PIK3CA: variants seen among roughly 807,000 people sequenced by gnomAD.
PIK3CA encodes the protein phosphatidylinositol 4,5-bisphosphate 3-kinase catalytic subunit alpha isoform.
Under a neutral mutation model 138.2 loss-of-function variants are expected in PIK3CA, and 27 were observed. That is an observed-to-expected ratio of 0.20 (90% CI 0.14 to 0.27). The LOEUF is 0.27. PIK3CA is among the 10% of genes least tolerant of loss of function. PIK3CA has a pLI of 1.00. For missense variants in PIK3CA, 544 were observed against 1,277.4 expected (o/e 0.43, Z 8.75); for synonymous variants, 358 against 413.2 (o/e 0.87, Z 1.62).
At chr3:179,206,901 A>G (rs1428792630) in intron 6 of PIK3CA, among the ~76,000 whole-genome samples, 2 of 151,100 alleles carry the variant, frequency 1.3e-5, no homozygotes, top group Non-Finnish European at 3.0e-5. Flanking sequence ...TCTAGGGGGC[A>G]GAGTGAGACC....
intron 5 of PIK3CA, 100 bp downstream of exon 5, chr3:179,203,889 G>T: frequency 1.2e-6 from 1 of 812,708 alleles, no homozygotes; most frequent in Non-Finnish European, 1.9e-6. Context: ...TATGTTTTCA[G>T]ATGGTTAGGA....
intron 1 of PIK3CA, among the ~76,000 whole-genome samples, chr3:179,188,301 C>T (rs1724043148): frequency 6.6e-6 from 1 of 152,152 alleles, no homozygotes; most frequent in South Asian, 2.1e-4. Flanking sequence ...GTTTGATTAG[C>T]TTTTGTCCTT....
chr3:179,194,113 T>C (rs1724203727), intron 1 of PIK3CA, among the ~76,000 whole-genome samples: 1 of 152,240 alleles, frequency 6.6e-6, no homozygotes, highest in Non-Finnish European at 1.5e-5. Flanking sequence ...TAATGTTCAT[T>C]TGATTATAAC....
At chr3:179,173,676 G>A (rs1422650853) in intron 1 of PIK3CA, among the ~76,000 whole-genome samples, 5 of 152,172 alleles carry the variant, frequency 3.3e-5, no homozygotes, top group Admixed American at 2.0e-4. Context: ...TACCTACGTG[G>A]TGTATTGACA....
chr3:179,194,986 G>C (rs1207606448), intron 1 of PIK3CA, among the ~76,000 whole-genome samples: 3 of 144,122 alleles, frequency 2.1e-5, no homozygotes, highest in Non-Finnish European at 3.0e-5. Flanking sequence ...ACTTAGCCTA[G>C]AGCCTGACAT....
At chr3:179,226,413 G>A (rs1453197775) in intron 17 of PIK3CA, among the ~76,000 whole-genome samples, 1 of 152,104 alleles carries the variant, frequency 6.6e-6, no homozygotes, top group Non-Finnish European at 1.5e-5. Context: ...ATTGGAATCA[G>A]TTTTGCAGCA....
rs537521760 is a variant in PIK3CA at position 179,230,711 on chromosome 3, G to A, written c.2936+335G>A. ...TGAGGTTGCAGTGAGCCATTATCACGCCACTGTACTCCAACCTGGGCAACA... is the reference window on the plus strand; with the variant it reads ...TGAGGTTGCAGTGAGCCATTATCACACCACTGTACTCCAACCTGGGCAACA... On this transcript the variant is annotated intron_variant, in intron 20 of 20. Coordinates refer to ENST00000263967, the MANE Select transcript of PIK3CA (RefSeq NM_006218.4). The surrounding 1 kb of genome is among the most constrained non-coding windows in gnomAD (Gnocchi z 5.4). Among the ~76,000 whole-genome samples, 1 of 152,102 alleles carries A rather than the reference G, an allele frequency of 6.6e-6. No individual in the cohort carries two copies. The highest frequency in any genetic ancestry group is 1.5e-5 in the Non-Finnish European group (1 of 68,014).
chr3:179,192,948 G>A (rs1484741092), intron 1 of PIK3CA, among the ~76,000 whole-genome samples: 1 of 152,206 alleles, frequency 6.6e-6, no homozygotes, highest in African/African-American at 2.4e-5. Context: ...GTTCAAAATA[G>A]TGAATTGCCC....
chr3:179,164,829 A>T (rs1340458235), intron 1 of PIK3CA, among the ~76,000 whole-genome samples: 1 of 152,104 alleles, frequency 6.6e-6, no homozygotes, highest in East Asian at 1.9e-4. Flanking sequence ...AGATTGCGCC[A>T]TTGTACTCCA....
chr3:179,173,404 CAAAA>C (rs749831764), intron 1 of PIK3CA, among the ~76,000 whole-genome samples: 1 of 43,110 alleles, frequency 2.3e-5, no homozygotes, highest in Non-Finnish European at 4.7e-5. Context: ...GCTAAAAATA[CAAAA>C]AAAAAAAAAA....
rs769262856 is a variant in PIK3CA, at chr3:179,201,581, A to G, written c.813+41A>G. 6 of 1,355,276 alleles carry G rather than the reference A, an allele frequency of 4.4e-6. No homozygotes were observed. The South Asian group carries it at 8.4e-5, about 19-fold the overall frequency. The allele number at this position is 1,355,276 out of a possible 1,614,324, so 84.0% of individuals were successfully genotyped here. A position where few individuals can be genotyped will look rare whatever the true frequency, so the allele number is the denominator to read the frequency against. On this transcript the variant is annotated intron_variant, in intron 4 of 20. Transcript: ENST00000263967. ...CAAAATATTAATTTTTAATTTAAAA[A>G]GTAATCACATTGAGGATGAGTATCT... is the stretch of plus-strand genomic sequence containing the variant.
At chr3:179,233,783 T>C (rs555661140) in intron 20 of PIK3CA, among the ~76,000 whole-genome samples, 7 of 152,316 alleles carry the variant, frequency 4.6e-5, no homozygotes, top group African/African-American at 1.7e-4. Context: ...GTCCTGACTC[T>C]AGCTTAAGCA....
chr3:179,164,767 G>A (rs1191633090), intron 1 of PIK3CA, among the ~76,000 whole-genome samples: 3 of 152,036 alleles, frequency 2.0e-5, no homozygotes, highest in Non-Finnish European at 4.4e-5. Flanking sequence ...TACTCAGAAG[G>A]CTGAGGCAGA....
At chr3:179,226,553 A>G (rs1310109047) in intron 17 of PIK3CA, among the ~76,000 whole-genome samples, 1 of 152,060 alleles carries the variant, frequency 6.6e-6, no homozygotes, top group Non-Finnish European at 1.5e-5. Flanking sequence ...TGCTTCTAAA[A>G]TGTTCTTCCT....
chr3:179,224,938 A>T, intron 16 of PIK3CA, 117 bp downstream of exon 16: 3 of 590,388 alleles, frequency 5.1e-6, no homozygotes, highest in Non-Finnish European at 8.7e-6. Flanking sequence ...CACATGTGAT[A>T]AAATATGTAA....
chr3:179,239,245 A>G lies in PIK3CA; in HGVS notation c.*4881A>G, dbSNP rs1475997329. On this transcript the variant is annotated 3_prime_UTR_variant, in exon 21 of 21. Coordinates refer to ENST00000263967, the MANE Select transcript of PIK3CA (RefSeq NM_006218.4). ...GTTAAAGTCTATGAATCTATCTGCAACCTTATTTAATCTGTCACTATAATA... is the reference window on the plus strand; with the variant it reads ...GTTAAAGTCTATGAATCTATCTGCAGCCTTATTTAATCTGTCACTATAATA... 1 of 204,782 alleles carries G rather than the reference A, an allele frequency of 4.9e-6. No homozygotes were observed. The highest frequency in any genetic ancestry group is 2.3e-5 in the African/African-American group (1 of 43,750). 12.7% of individuals were successfully genotyped at this position (204,782 alleles called of 1,614,324 possible).
intron 1 of PIK3CA, among the ~76,000 whole-genome samples, chr3:179,181,318 G>C (rs1467432079): frequency 6.6e-6 from 1 of 151,842 alleles, no homozygotes; most frequent in Non-Finnish European, 1.5e-5. Flanking sequence ...TTTACCCTAG[G>C]GATAATGACT....
At chr3:179,216,133 T>C (rs1272993162) in intron 9 of PIK3CA, among the ~76,000 whole-genome samples, 2 of 152,222 alleles carry the variant, frequency 1.3e-5, no homozygotes, top group Non-Finnish European at 2.9e-5. Context: ...ATTATATAAA[T>C]GAAATGTCAG....
chr3:179,157,576 T>TTTTG (rs766333717), intron 1 of PIK3CA, among the ~76,000 whole-genome samples: 8 of 152,096 alleles, frequency 5.3e-5, no homozygotes, highest in Non-Finnish European at 8.8e-5. Flanking sequence ...CTGTGGTCTT[T>TTTTG]TTTGTTTGTT....
Sources: allele counts gnomAD v4.1 joint callset (sites outside exome capture counted in the v4.1 genomes callset), GRCh38; gene constraint gnomAD v4.1.1; non-coding constraint Gnocchi (gnomAD v3.1); transcripts MANE v1.5; gene names NCBI Gene and HGNC (gene_info 2026-07-23, HGNC 2026-07-21).